Variants in C1QTNF2 observed in about 807,000 individuals in gnomAD.
The protein encoded by C1QTNF2 is complement C1q tumor necrosis factor-related protein 2.
In C1QTNF2, 15 loss-of-function variants were observed where a neutral mutation model predicts 17.4. That is an observed-to-expected ratio of 0.86 (90% CI 0.58 to 1.33). C1QTNF2 has a LOEUF of 1.33. C1QTNF2 is among the 40% of genes most tolerant of loss of function. C1QTNF2 has a pLI of 0.00. For synonymous variants in C1QTNF2, 154 were observed against 163.3 expected (o/e 0.94, Z 0.44); for missense variants, 381 against 392.3 (o/e 0.97, Z 0.24).
chr5:160,354,519 C>G (rs1040819510), intron 2 of C1QTNF2, among the ~76,000 whole-genome samples: 1 of 147,396 alleles, frequency 6.8e-6, no homozygotes, highest in Non-Finnish European at 1.5e-5. Flanking sequence ...GCAGAGGTTG[C>G]AGTGAGCTGA....
chr5:160,350,884 G>A (rs1470220470), intron 2 of C1QTNF2, among the ~76,000 whole-genome samples: 1 of 151,910 alleles, frequency 6.6e-6, no homozygotes, highest in Non-Finnish European at 1.5e-5. Flanking sequence ...CTGAGTAGCT[G>A]GGACTACAGG....
At position 160,354,877 on chromosome 5, in the gene C1QTNF2, G is replaced by A. The variant is rs375983925; in HGVS notation, c.135C>T (p.Pro45=). ...AGGGCCCTGGGGCTCCTGGGGGGCC[G>A]GGTGGGCCCTGGGGGCCAGGCAGGC... The part of the protein sequence containing the change: ...VCSLPGPQGP[P]GPPGAPGPSG... Residue 45 remains proline (P), a synonymous_variant, in exon 2 of 3, where the codon CCC becomes CCT. Transcript: ENST00000652664. 1.0e-4 allele frequency: 164 copies of A among 1,607,106 alleles called. No individual in the cohort carries two copies. Among genetic ancestry groups the A allele is most frequent in the African/African-American group, 4.5e-4 (34 of 74,804 alleles).
chr5:160,368,640 C>G (rs918289367), intron 1 of C1QTNF2, among the ~76,000 whole-genome samples: 1 of 152,032 alleles, frequency 6.6e-6, no homozygotes, highest in East Asian at 1.9e-4. Context: ...GTTGGCAGGC[C>G]TTTGACCAGG....
intron 1 of C1QTNF2, among the ~76,000 whole-genome samples, chr5:160,355,484 T>C (rs1049588952): frequency 6.6e-6 from 1 of 152,150 alleles, no homozygotes; most frequent in Admixed American, 6.5e-5. Context: ...GGGTTGCACA[T>C]GAGGAGGGCT....
intron 2 of C1QTNF2, among the ~76,000 whole-genome samples, chr5:160,352,577 T>C (rs1311905527): frequency 2.6e-5 from 4 of 152,138 alleles, no homozygotes; most frequent in Non-Finnish European, 4.4e-5. Context: ...TGGTAAGCTT[T>C]ATCTATTTGG....
At chr5:160,369,588 T>C (rs1764311402) in intron 1 of C1QTNF2, among the ~76,000 whole-genome samples, 1 of 152,220 alleles carries the variant, frequency 6.6e-6, no homozygotes, top group Non-Finnish European at 1.5e-5. Flanking sequence ...ATGTAAGACA[T>C]TGTCTTTCTA....
At chr5:160,363,932 C>G (rs556543530) in intron 1 of C1QTNF2, among the ~76,000 whole-genome samples, 1 of 152,206 alleles carries the variant, frequency 6.6e-6, no homozygotes, top group Admixed American at 6.5e-5. Context: ...CCAGTCTCCA[C>G]GTGCCTGACC....
At chr5:160,362,560 C>A (rs6870303) in intron 1 of C1QTNF2, among the ~76,000 whole-genome samples, 1 of 152,002 alleles carries the variant, frequency 6.6e-6, no homozygotes, top group African/African-American at 2.4e-5. Flanking sequence ...CCTTGAATTC[C>A]TTCTTGAGAT....
At chr5:160,359,517 T>C (rs542607969) in intron 1 of C1QTNF2, among the ~76,000 whole-genome samples, 5 of 152,372 alleles carry the variant, frequency 3.3e-5, no homozygotes, top group Admixed American at 1.3e-4. Flanking sequence ...CACACAGCCA[T>C]AGAGAAATCT....
intron 2 of C1QTNF2, 34 bp downstream of exon 2, chr5:160,354,734 G>T (rs752651538): frequency 3.0e-5 from 49 of 1,612,200 alleles, no homozygotes; most frequent in Non-Finnish European, 4.2e-5. Context: ...TGTCAGCCAG[G>T]TGGGAACGAG....
At chr5:160,350,874 C>T (rs1199725751) in intron 2 of C1QTNF2, among the ~76,000 whole-genome samples, 1 of 152,026 alleles carries the variant, frequency 6.6e-6, no homozygotes, top group African/African-American at 2.4e-5. Flanking sequence ...CCTCAGCCTC[C>T]TGAGTAGCTG....
In C1QTNF2 at chr5:160,354,862, G is replaced by A; in HGVS notation, c.150C>T (p.Ala50=). The A allele has an allele frequency of 6.2e-7, 1 of 1,609,668 alleles. No individual in the cohort carries two copies. The highest frequency in any genetic ancestry group is 8.5e-7 in the Non-Finnish European group (1 of 1,178,326). The change falls in exon 2 of 3, where the codon GCC becomes GCT. Residue 50 remains alanine, a synonymous_variant. Coordinates refer to ENST00000652664, the MANE Select transcript of C1QTNF2 (RefSeq NM_031908.6). ...GPQGPPGPPG[A]PGPSGMMGRM... is the part of the protein sequence containing the mutation. ...GTCCCATCATTCCTGAGGGCCCTGG[G>A]GCTCCTGGGGGGCCGGGTGGGCCCT... is the stretch of plus-strand genomic sequence containing the variant.
chr5:160,349,464 C>A lies in C1QTNF2; in HGVS notation c.562G>T (p.Val188Phe). ...TAGTAGATCCCAGGCACGCCGCAGA[C>A]GAACTTGCCGCTGGAAGCATTGTAG... ...GHYNASSGKF[V>F]CGVPGIYYFT... Residue 188 changes from valine to phenylalanine, a missense_variant, in exon 3 of 3, where the codon GTC (valine) becomes TTC (phenylalanine). Physicochemically the swap from Val to Phe is conservative, Grantham distance 50. Transcript: ENST00000652664. This position sits in a 1 kb window ranked among gnomAD's most constrained non-coding sequence, Gnocchi z 4.3. 6.2e-7 allele frequency: 1 copy of A among 1,614,090 alleles called. No homozygotes were observed. Among genetic ancestry groups the A allele is most frequent in the East Asian group, 2.2e-5 (1 of 44,884 alleles).
At chr5:160,363,316 C>T (rs1350630502) in intron 1 of C1QTNF2, among the ~76,000 whole-genome samples, 2 of 152,224 alleles carry the variant, frequency 1.3e-5, no homozygotes, top group Admixed American at 6.5e-5. Flanking sequence ...ACAGTACTCA[C>T]GAAATGTCCC....
At position 160,349,181 on chromosome 5, in the gene C1QTNF2, G is replaced by A. The variant is rs770938600; in HGVS notation, c.845C>T (p.Pro282Leu). 3 of 1,613,028 alleles carry A rather than the reference G, an allele frequency of 1.9e-6. No homozygotes were observed. In the East Asian group the frequency reaches 6.7e-5, roughly 36 times the overall value. ...GFLIYADQDD[P>L]NEV ...GCCGTGGCATGTCTATACCTCGTTG[G>A]GGTCATCCTGGTCGGCATAGATTAG... The change falls in exon 3 of 3, where the codon CCC becomes CTC. Residue 282 changes from proline (P) to leucine (L), a missense_variant. By Grantham distance (98) the Pro-to-Leu change is moderately conservative (BLOSUM62 -3). Transcript: ENST00000652664. This position sits in a 1 kb window ranked among gnomAD's most constrained non-coding sequence, Gnocchi z 4.3.
rs987474870 is a variant in C1QTNF2 at position 160,349,252 on chromosome 5, C to A, written c.774G>T (p.Gly258=). ...WLQIFYSEQN[G]LFYDPYWTDS... ...CTGTCCAGTAAGGGTCATAGAAGAG[C>A]CCGTTCTGCTCTGAGTAGAAGATCT... is the stretch of plus-strand genomic sequence containing the variant. Residue 258 remains glycine (G), a synonymous_variant, in exon 3 of 3, where the codon GGG becomes GGT. Coordinates refer to ENST00000652664, the MANE Select transcript of C1QTNF2 (RefSeq NM_031908.6). The surrounding 1 kb of genome is among the most constrained non-coding windows in gnomAD (Gnocchi z 4.3). 1.2e-6 allele frequency: 2 copies of A among 1,613,978 alleles called. No homozygotes were observed. Among genetic ancestry groups the A allele is most frequent in the African/African-American group, 2.7e-5 (2 of 74,888 alleles).
At chr5:160,355,711 C>T (rs1437515316) in intron 1 of C1QTNF2, among the ~76,000 whole-genome samples, 1 of 152,246 alleles carries the variant, frequency 6.6e-6, no homozygotes, top group East Asian at 1.9e-4. Flanking sequence ...GCTTTTCCAA[C>T]CCGGGGCCTG....
At chr5:160,352,495 C>T (rs1178613489) in intron 2 of C1QTNF2, among the ~76,000 whole-genome samples, 1 of 152,152 alleles carries the variant, frequency 6.6e-6, no homozygotes. Context: ...GTGGTGGCTT[C>T]CTTCTCTGCA....
intron 2 of C1QTNF2, among the ~76,000 whole-genome samples, chr5:160,352,610 G>A (rs1763946840): frequency 6.6e-6 from 1 of 152,198 alleles, no homozygotes; most frequent in South Asian, 2.1e-4. Flanking sequence ...CAGAGACTCT[G>A]TCCCTCAGGA....
Sources: gnomAD v4.1 joint callset for allele counts (sites outside exome capture counted in the v4.1 genomes callset) on GRCh38, gnomAD v4.1.1 for gene constraint, Gnocchi (gnomAD v3.1) non-coding constraint, MANE v1.5 for transcripts, NCBI Gene and HGNC (gene_info 2026-07-23, HGNC 2026-07-21) for gene names.